The following DCDC2C variants were observed in gnomAD, a reference collection of about 807,000 sequenced individuals.
DCDC2C encodes doublecortin domain-containing protein 2C.
Under a neutral mutation model 45.0 loss-of-function variants are expected in DCDC2C, and 44 were observed. That is an observed-to-expected ratio of 0.98 (90% CI 0.77 to 1.26). The LOEUF (loss-of-function observed/expected upper bound fraction) is 1.26. Among genes scored for constraint, DCDC2C ranks in the 50% most tolerant of loss-of-function variants. The pLI is 0.00. For missense variants in DCDC2C, 447 were observed against 468.9 expected (o/e 0.95, Z 0.43); for synonymous variants, 187 against 178.8 (o/e 1.05, Z -0.37).
intron 6 of DCDC2C, among the ~76,000 whole-genome samples, chr2:3,762,145 T>G (rs1439322335): frequency 6.8e-6 from 1 of 146,264 alleles, no homozygotes; most frequent in Non-Finnish European, 1.5e-5. Context: ...GCTTGATCCA[T>G]GTTTTCTTGC....
intron 8 of DCDC2C, among the ~76,000 whole-genome samples, chr2:3,775,097 G>C (rs1051888257): frequency 6.6e-6 from 1 of 151,418 alleles, no homozygotes; most frequent in African/African-American, 2.4e-5. Context: ...GAGGAACAAC[G>C]TAGGGAGTGG....
At chr2:3,845,343 A>T (rs990679033) in intron 10 of DCDC2C, among the ~76,000 whole-genome samples, 8 of 152,184 alleles carry the variant, frequency 5.3e-5, no homozygotes, top group Non-Finnish European at 1.0e-4. Context: ...AGTCACTACT[A>T]AGATGAGGCC....
chr2:3,733,858 C>G lies in DCDC2C; in HGVS notation c.416+6779C>G, dbSNP rs116729898. ...CAGACTGTAGCAGAGGTTGAATCAT[C>G]CCACCAGGGGTCTGGGACCTTGAAG... is the stretch of plus-strand genomic sequence containing the variant. On this transcript the variant is annotated intron_variant, in intron 3 of 10. Transcript: ENST00000399143. 8.0e-3 allele frequency among the ~76,000 whole-genome samples: 1,225 copies of G among 152,246 alleles called. 24 individuals are homozygous for G. The highest frequency in any genetic ancestry group is 0.028 in the African/African-American group (1,183 of 41,520).
chr2:3,824,456 C>T (rs1435148355), intron 10 of DCDC2C, among the ~76,000 whole-genome samples: 2 of 152,210 alleles, frequency 1.3e-5, no homozygotes, highest in Admixed American at 1.3e-4. Flanking sequence ...ATTTGATACA[C>T]AGGCTGTAGA....
At chr2:3,732,756 G>A (rs1467442939) in intron 3 of DCDC2C, among the ~76,000 whole-genome samples, 1 of 152,094 alleles carries the variant, frequency 6.6e-6, no homozygotes, top group Non-Finnish European at 1.5e-5. Flanking sequence ...TGGTCTTCCT[G>A]TAGTGGTTTC....
intron 10 of DCDC2C, among the ~76,000 whole-genome samples, chr2:3,790,863 CT>C (rs1470131854): frequency 6.6e-6 from 1 of 152,118 alleles, no homozygotes; most frequent in East Asian, 1.9e-4. Flanking sequence ...AATCCTAGCA[CT>C]TTGGGAGGCC....
chr2:3,847,298 C>A lies in DCDC2C; in HGVS notation c.*115C>A, dbSNP rs534593522. 2.2e-5 allele frequency: 15 copies of A among 681,442 alleles called. No individual in the cohort carries two copies. The highest frequency in any genetic ancestry group is 8.2e-6 in the Non-Finnish European group (4 of 486,304). 42.2% of individuals were successfully genotyped at this position (681,442 alleles called of 1,614,324 possible). On this transcript the variant is annotated 3_prime_UTR_variant, in exon 11 of 11. Coordinates refer to ENST00000399143, the MANE Select transcript of DCDC2C (RefSeq NM_001287444.2). ...CACATGTGGGGTGAAACTAAAGCCCCACACAGTGGTGTCTTCTCGAAAGCC... is the reference window on the plus strand; with the variant it reads ...CACATGTGGGGTGAAACTAAAGCCCAACACAGTGGTGTCTTCTCGAAAGCC...
intron 10 of DCDC2C, among the ~76,000 whole-genome samples, chr2:3,822,585 T>C (rs1028562785): frequency 7.2e-6 from 1 of 138,216 alleles, no homozygotes; most frequent in Non-Finnish European, 1.6e-5. Context: ...TTGGTTTCAC[T>C]GAATTTTCTC....
At chr2:3,834,484 G>A (rs62107643) in intron 10 of DCDC2C, among the ~76,000 whole-genome samples, 12,034 of 152,182 alleles carry the variant, frequency 0.079, 625 homozygotes, top group Admixed American at 0.13. Context: ...AACGCTTAGC[G>A]GGAACTTCCT....
intron 2 of DCDC2C, among the ~76,000 whole-genome samples, chr2:3,711,809 C>A (rs1668218240): frequency 6.6e-6 from 1 of 152,222 alleles, no homozygotes; most frequent in Non-Finnish European, 1.5e-5. Context: ...ATTTTAACCT[C>A]TTTACTATTT....
intron 6 of DCDC2C, among the ~76,000 whole-genome samples, chr2:3,755,679 A>G (rs1384607151): frequency 6.6e-6 from 1 of 150,514 alleles, no homozygotes; most frequent in Admixed American, 6.6e-5. Flanking sequence ...ATGTGTGTGG[A>G]TGTGTGTATG....
chr2:3,729,764 G>T (rs1451519957), intron 3 of DCDC2C, among the ~76,000 whole-genome samples: 1 of 152,208 alleles, frequency 6.6e-6, no homozygotes, highest in Non-Finnish European at 1.5e-5. Context: ...CCTATCTCAG[G>T]TGTTGGCTGG....
At chr2:3,749,647 G>A (rs1056158726) in intron 4 of DCDC2C, among the ~76,000 whole-genome samples, 6 of 152,210 alleles carry the variant, frequency 3.9e-5, no homozygotes, top group South Asian at 2.1e-4. Context: ...TGCCTGAACC[G>A]TTTGTTCCTC....
In DCDC2C at chr2:3,795,115, G is replaced by A. The variant is rs560430389; in HGVS notation, c.1065+10015G>A. On this transcript the variant is annotated intron_variant, in intron 10 of 10. Transcript: ENST00000399143. Reference sequence around the variant, plus strand: ...TTGATTTGCATTTCTCTGATGGCCAGTGATGGTGAGCATTTTTTCATGTGT... The same window carrying A: ...TTGATTTGCATTTCTCTGATGGCCAATGATGGTGAGCATTTTTTCATGTGT... 7.0e-3 allele frequency among the ~76,000 whole-genome samples: 1,058 copies of A among 151,362 alleles called. 10 individuals are homozygous for A. The highest frequency in any genetic ancestry group is 0.024 in the African/African-American group (1,008 of 41,360).
intron 10 of DCDC2C, among the ~76,000 whole-genome samples, chr2:3,805,160 T>C (rs2148206903): frequency 6.6e-6 from 1 of 152,226 alleles, no homozygotes; most frequent in South Asian, 2.1e-4. Flanking sequence ...TAGAAGGCAG[T>C]GTGGTCAAGA....
At chr2:3,740,222 TC>T (rs1396201590) in intron 3 of DCDC2C, among the ~76,000 whole-genome samples, 1 of 152,248 alleles carries the variant, frequency 6.6e-6, no homozygotes, top group Non-Finnish European at 1.5e-5. Flanking sequence ...ATTTAACCAG[TC>T]ATCCATACTT....
chr2:3,739,373 G>A (rs1490887240), intron 3 of DCDC2C, among the ~76,000 whole-genome samples: 1 of 147,984 alleles, frequency 6.8e-6, no homozygotes, highest in East Asian at 2.0e-4. Context: ...CCCAAATGTT[G>A]CATTTCCCAA....
intron 10 of DCDC2C, among the ~76,000 whole-genome samples, chr2:3,816,772 A>AT (rs1381980324): frequency 6.6e-6 from 1 of 152,226 alleles, no homozygotes; most frequent in Non-Finnish European, 1.5e-5. Flanking sequence ...AGTAAAGTCA[A>AT]TTTGCCAGTC....
At chr2:3,749,391 A>G (rs1005408311) in intron 4 of DCDC2C, among the ~76,000 whole-genome samples, 2 of 152,206 alleles carry the variant, frequency 1.3e-5, no homozygotes, top group Non-Finnish European at 2.9e-5. Context: ...ACACTTCAGT[A>G]AAAGCCGCCG....
Sources: allele counts gnomAD v4.1 joint callset (sites outside exome capture counted in the v4.1 genomes callset), GRCh38; gene constraint gnomAD v4.1.1; transcripts MANE v1.5; gene names NCBI Gene and HGNC (gene_info 2026-07-23, HGNC 2026-07-21).